CCDC141: variants seen among roughly 807,000 people sequenced by gnomAD.
CCDC141 encodes the protein coiled-coil domain-containing protein 141.
A neutral mutation model predicts 181.0 loss-of-function variants in CCDC141; 168 were observed. The observed-to-expected ratio is 0.93, with a 90% CI of 0.82 to 1.05. The LOEUF is 1.05. Among genes scored for constraint, CCDC141 ranks in the 50% least tolerant of loss-of-function variants. CCDC141 has a pLI of 0.00. For missense variants in CCDC141, 1,902 were observed against 1,788.5 expected (o/e 1.06, Z -1.14); for synonymous variants, 666 against 642.3 (o/e 1.04, Z -0.56).
intron 7 of CCDC141, among the ~76,000 whole-genome samples, chr2:178,917,608 G>A (rs988666281): frequency 6.6e-6 from 1 of 152,120 alleles, no homozygotes; most frequent in Non-Finnish European, 1.5e-5. Flanking sequence ...GAAATTTAAG[G>A]TATGAAACAA....
chr2:179,028,771 T>C lies in CCDC141; in HGVS notation c.225+18513A>G, dbSNP rs553672328. On this transcript the variant is annotated intron_variant, in intron 2 of 23. Coordinates refer to ENST00000443758, the MANE Select transcript of CCDC141 (RefSeq NM_173648.4). Reference sequence around the variant, plus strand: ...TTGCTATAACAAAACCTTTAAAATTTTATCCTGTTCACTCTCACTCAAAAC... The same window carrying C: ...TTGCTATAACAAAACCTTTAAAATTCTATCCTGTTCACTCTCACTCAAAAC... Among the ~76,000 whole-genome samples the C allele has an allele frequency of 3.3e-4, 51 of 152,334 alleles. No individual in the cohort carries two copies. In the South Asian group the frequency reaches 1.0e-2, roughly 30 times the overall value.
intron 2 of CCDC141, among the ~76,000 whole-genome samples, chr2:179,023,871 C>T (rs1220354119): frequency 6.6e-6 from 1 of 152,034 alleles, no homozygotes; most frequent in Non-Finnish European, 1.5e-5. Context: ...TAACAGGTAC[C>T]CAAGATTATA....
At chr2:178,829,312 G>T (rs1443259486), downstream of CCDC141, among the ~76,000 whole-genome samples, 1 of 152,186 alleles carries the variant, frequency 6.6e-6, no homozygotes, top group African/African-American at 2.4e-5. Context: ...AATCCGATTT[G>T]CCATGTCCTG....
intron 8 of CCDC141, 28 bp from the exon 9 acceptor site, chr2:178,888,696 C>G: frequency 1.3e-6 from 2 of 1,549,756 alleles, no homozygotes; most frequent in Non-Finnish European, 1.7e-6. Context: ...GCTGTTAATT[C>G]ACTCCACCCC....
At chr2:178,919,441 G>A (rs775699018) in intron 6 of CCDC141, among the ~76,000 whole-genome samples, 4 of 152,178 alleles carry the variant, frequency 2.6e-5, no homozygotes, top group Non-Finnish European at 5.9e-5. Flanking sequence ...GACACAGAAA[G>A]AGGCTAAAAA....
At chr2:178,847,270 C>T (rs1397011241) in intron 21 of CCDC141, among the ~76,000 whole-genome samples, 1 of 152,166 alleles carries the variant, frequency 6.6e-6, no homozygotes, top group Admixed American at 6.5e-5. Context: ...TGGCTCACAC[C>T]TGTAACCCCA....
intron 2 of CCDC141, among the ~76,000 whole-genome samples, chr2:178,994,952 A>C (rs1692217083): frequency 6.6e-6 from 1 of 152,124 alleles, no homozygotes; most frequent in Non-Finnish European, 1.5e-5. Context: ...ATCAGCCTGG[A>C]CTTTACTGTC....
rs553009225 is a variant in CCDC141, at chr2:178,852,537, TC to T, written c.3244+903del. ...TATTATTTTTATGTTTCTATCCTTT[TC>T]TTCTGGAATATTATGAATAATTCAT... On this transcript the variant is annotated intron_variant, in intron 20 of 23. Coordinates refer to ENST00000443758, the MANE Select transcript of CCDC141 (RefSeq NM_173648.4). Among the ~76,000 whole-genome samples the T allele has an allele frequency of 4.6e-3, 704 of 152,346 alleles. 7 individuals carry two copies. The highest frequency in any genetic ancestry group is 0.016 in the African/African-American group (667 of 41,576).
chr2:178,995,766 A>C (rs1180074820), intron 2 of CCDC141, among the ~76,000 whole-genome samples: 2 of 152,190 alleles, frequency 1.3e-5, no homozygotes, highest in Non-Finnish European at 2.9e-5. Context: ...TGAGTGTCTA[A>C]ATTAGCAGGA....
intron 11 of CCDC141, among the ~76,000 whole-genome samples, chr2:178,883,449 G>C (rs145472522): frequency 5.9e-5 from 9 of 152,214 alleles, no homozygotes; most frequent in African/African-American, 2.2e-4. Flanking sequence ...AAGAGAAAAA[G>C]CTAAAAAGAA....
At chr2:179,042,272 T>A (rs552146312) in intron 2 of CCDC141, among the ~76,000 whole-genome samples, 45 of 152,290 alleles carry the variant, frequency 3.0e-4, no homozygotes, top group African/African-American at 1.0e-3. Flanking sequence ...GTCAAAATCA[T>A]ACAACTAAAT....
At position 178,884,900 on chromosome 2, in the gene CCDC141, C is replaced by A. The variant is rs1686807091; in HGVS notation, c.1719+1G>T. The A allele has an allele frequency of 1.3e-6, 2 of 1,549,792 alleles. No individual in the cohort carries two copies. The highest frequency in any genetic ancestry group is 2.0e-5 in the Admixed American group (1 of 51,000). Reference sequence around the variant, plus strand: ...AAGAAGGTTAACACATAGTACCATACCTCCTCTGATGACTTCAGAAATGCC... The same window carrying A: ...AAGAAGGTTAACACATAGTACCATAACTCCTCTGATGACTTCAGAAATGCC... On this transcript the variant is annotated splice_donor_variant, in intron 11 of 23. Transcript: ENST00000443758. LOFTEE classifies it high-confidence loss of function.
chr2:178,946,586 G>C (rs1394129), intron 5 of CCDC141, among the ~76,000 whole-genome samples: 15,618 of 152,150 alleles, frequency 0.1, 1,402 homozygotes, highest in South Asian at 0.23. Flanking sequence ...ATGAAAAATG[G>C]GTACAAACAG....
intron 7 of CCDC141, among the ~76,000 whole-genome samples, chr2:178,912,305 T>C (rs188825431): frequency 1.3e-5 from 2 of 152,258 alleles, no homozygotes; most frequent in Admixed American, 1.3e-4. Context: ...AATACACTCT[T>C]ACGTTAGAAA....
intron 8 of CCDC141, among the ~76,000 whole-genome samples, chr2:178,903,819 C>T (rs761623428): frequency 9.9e-5 from 15 of 151,118 alleles, no homozygotes; most frequent in African/African-American, 3.6e-4. Flanking sequence ...GGGAACATGC[C>T]GCAAGCAAAG....
chr2:179,047,805 G>C (rs946874466), intron 1 of CCDC141, among the ~76,000 whole-genome samples: 5 of 152,178 alleles, frequency 3.3e-5, no homozygotes, highest in Admixed American at 2.0e-4. Context: ...CACTTGGGCA[G>C]GTAGGATGCA....
At chr2:179,044,601 T>TTATTTATGA in intron 2 of CCDC141, among the ~76,000 whole-genome samples, 1 of 152,194 alleles carries the variant, frequency 6.6e-6, no homozygotes, top group South Asian at 2.1e-4. Context: ...CACCCACCAC[T>TTATTTATGA]ACCCACAATT....
intron 6 of CCDC141, among the ~76,000 whole-genome samples, chr2:178,939,109 C>A (rs1258890272): frequency 6.6e-6 from 1 of 152,136 alleles, no homozygotes; most frequent in Non-Finnish European, 1.5e-5. Flanking sequence ...CCAGCAAAGG[C>A]TGCTAGGTCT....
intron 2 of CCDC141, 51 bp downstream of exon 2, chr2:179,047,233 G>A (rs2043526969): frequency 5.5e-6 from 8 of 1,463,232 alleles, no homozygotes; most frequent in African/African-American, 1.4e-5. Context: ...ATAAGAAATA[G>A]TTTTTTATGT....
Sources: allele counts gnomAD v4.1 joint callset (sites outside exome capture counted in the v4.1 genomes callset), GRCh38; gene constraint gnomAD v4.1.1; transcripts MANE v1.5; gene names NCBI Gene and HGNC (gene_info 2026-07-23, HGNC 2026-07-21).